The following SLC1A2 variants were observed in gnomAD, a reference collection of about 807,000 sequenced individuals.
SLC1A2 encodes the protein solute carrier family 1 member 2, also known as excitatory amino acid transporter 2.
A neutral mutation model predicts 48.8 loss-of-function variants in SLC1A2; 15 were observed. The observed-to-expected ratio is 0.31, with a 90% CI of 0.21 to 0.47. The LOEUF is 0.47. Ranked by LOEUF, SLC1A2 falls within the 20% of genes least tolerant of loss-of-function variation. SLC1A2 has a pLI of 0.99. For missense variants in SLC1A2, 502 were observed against 730.5 expected (o/e 0.69, Z 3.61); for synonymous variants, 279 against 272.6 (o/e 1.02, Z -0.23).
chr11:35,302,924 G>A (rs911659092), intron 5 of SLC1A2, among the ~76,000 whole-genome samples: 14 of 149,436 alleles, frequency 9.4e-5, no homozygotes, highest in African/African-American at 3.2e-4. Context: ...CTACTTACAT[G>A]TTCTATAAAT....
rs549005805 is a variant in SLC1A2, at chr11:35,393,855, A to G, written c.17+25095T>C. ...CTCTGGTTTTAAAGAATGGGAGAGA[A>G]TAGAGACTCCCTTTTATCACTCTGG... is the stretch of plus-strand genomic sequence containing the variant. On this transcript the variant is annotated intron_variant, in intron 1 of 10. Coordinates refer to ENST00000278379, the MANE Select transcript of SLC1A2 (RefSeq NM_004171.4). Among the ~76,000 whole-genome samples, 38 of 152,240 alleles carry G rather than the reference A, an allele frequency of 2.5e-4. 1 individual carries two copies. Among genetic ancestry groups the G allele is most frequent in the Admixed American group, 2.0e-3 (31 of 15,290 alleles).
chr11:35,322,769 T>TG (rs1342130626), intron 1 of SLC1A2: 4 of 780,062 alleles, frequency 5.1e-6, no homozygotes, highest in Non-Finnish European at 8.8e-6. Context: ...AAATACCTGT[T>TG]GCATCAGCTC....
At chr11:35,274,376 C>CCA (rs1211718908) in intron 9 of SLC1A2, among the ~76,000 whole-genome samples, 6 of 152,244 alleles carry the variant, frequency 3.9e-5, no homozygotes, top group Non-Finnish European at 7.4e-5. Flanking sequence ...GGAAAAGGGG[C>CCA]CACATTCCAT....
At chr11:35,272,535 G>A (rs951347957) in intron 9 of SLC1A2, among the ~76,000 whole-genome samples, 3 of 152,324 alleles carry the variant, frequency 2.0e-5, no homozygotes, top group African/African-American at 7.2e-5. Context: ...GGGAATGTCT[G>A]ACCAACTCTG....
At chr11:35,354,510 A>G (rs1459314416) in intron 1 of SLC1A2, among the ~76,000 whole-genome samples, 1 of 152,102 alleles carries the variant, frequency 6.6e-6, no homozygotes, top group Admixed American at 6.5e-5. Flanking sequence ...CCTGAAATCA[A>G]AGGATCTGTG....
Position 35,315,217 on chromosome 11 carries a change from T to C in SLC1A2, c.158-42A>G, listed in dbSNP as rs773804684. 5.2e-6 allele frequency: 8 copies of C among 1,536,212 alleles called. No individual in the cohort carries two copies. In the African/African-American group the frequency reaches 9.5e-5, roughly 18 times the overall value. Reference sequence around the variant, plus strand: ...AACAATATGAATTTATTTTTTGCCTTCGTCAAATGACTTACTCTAGACACT... The same window carrying C: ...AACAATATGAATTTATTTTTTGCCTCCGTCAAATGACTTACTCTAGACACT... On this transcript the variant is annotated intron_variant, in intron 2 of 10. Coordinates refer to ENST00000278379, the MANE Select transcript of SLC1A2 (RefSeq NM_004171.4).
At chr11:35,384,558 C>T (rs879342811) in intron 1 of SLC1A2, among the ~76,000 whole-genome samples, 1 of 152,200 alleles carries the variant, frequency 6.6e-6, no homozygotes, top group Admixed American at 6.5e-5. Flanking sequence ...GAATCTCAAA[C>T]AGTTGCAGCT....
intron 1 of SLC1A2, among the ~76,000 whole-genome samples, chr11:35,394,907 T>C (rs1157630037): frequency 6.6e-6 from 1 of 152,152 alleles, no homozygotes; most frequent in African/African-American, 2.4e-5. Flanking sequence ...GAAAAGCATT[T>C]CTCTCCTTGG....
chr11:35,260,925 A>G lies in SLC1A2; in HGVS notation c.1694T>C (p.Val565Ala), dbSNP rs370624992. 3.3e-5 allele frequency: 53 copies of G among 1,613,748 alleles called. No homozygotes were observed. Among genetic ancestry groups the G allele is most frequent in the Non-Finnish European group, 3.4e-5 (40 of 1,179,772 alleles). Residue 565 changes from valine to alanine, a missense_variant, in exon 11 of 11, where the codon GTT (valine) becomes GCT (alanine). Around this residue, in one of 4 missense-constraint regions of SLC1A2, gnomAD observed 102 missense variants for 107.2 expected, o/e 0.95. Transcript: ENST00000278379. ...CTCACGTTTCCAAGGTTCTTCCTCA[A>G]CACTGCAGTCGGCTGACTTTCCATT... ...AANGKSADCS[V>A]EEEPWKREK
At chr11:35,396,395 A>T (rs1309600542) in intron 1 of SLC1A2, among the ~76,000 whole-genome samples, 2 of 129,666 alleles carry the variant, frequency 1.5e-5, no homozygotes, top group Admixed American at 7.9e-5. Flanking sequence ...GGTATCTCAT[A>T]GTGGTTTTGA....
At chr11:35,317,313 C>A (rs751680809) in intron 2 of SLC1A2, 64 bp downstream of exon 2, 1 of 1,552,154 alleles carries the variant, frequency 6.4e-7, no homozygotes, top group Non-Finnish European at 8.8e-7. Flanking sequence ...AGACCAGCTG[C>A]CCCACAGAGC....
intron 1 of SLC1A2, among the ~76,000 whole-genome samples, chr11:35,329,946 A>T (rs1425570833): frequency 6.6e-6 from 1 of 152,192 alleles, no homozygotes; most frequent in Non-Finnish European, 1.5e-5. Flanking sequence ...CTCTCACAAG[A>T]TAGCTACTAT....
At chr11:35,307,724 G>A (rs1851557214) in intron 4 of SLC1A2, among the ~76,000 whole-genome samples, 1 of 152,216 alleles carries the variant, frequency 6.6e-6, no homozygotes, top group Admixed American at 6.5e-5. Flanking sequence ...TCCACAGTCT[G>A]TGCTGTATGT....
chr11:35,336,991 A>G (rs541986416), intron 1 of SLC1A2, among the ~76,000 whole-genome samples: 2 of 152,310 alleles, frequency 1.3e-5, no homozygotes, highest in East Asian at 3.9e-4. Context: ...CAAGAAAAAT[A>G]TTTATTTGCA....
At chr11:35,332,607 A>T (rs1048871915) in intron 1 of SLC1A2, among the ~76,000 whole-genome samples, 2 of 152,268 alleles carry the variant, frequency 1.3e-5, no homozygotes, top group Non-Finnish European at 2.9e-5. Flanking sequence ...AGATAAGTCC[A>T]GATGAGATCT....
intron 1 of SLC1A2, among the ~76,000 whole-genome samples, chr11:35,399,200 G>T (rs554327291): frequency 6.6e-6 from 1 of 152,140 alleles, no homozygotes; most frequent in South Asian, 2.1e-4. Flanking sequence ...TCTTCCTCTT[G>T]CCCCTACCCT....
Position 35,312,601 on chromosome 11 carries a change from G to C in SLC1A2, c.311-153C>G, listed in dbSNP as rs764873187. On this transcript the variant is annotated intron_variant, in intron 3 of 10. Coordinates refer to ENST00000278379, the MANE Select transcript of SLC1A2 (RefSeq NM_004171.4). ...AGTCTTCCCTCAATATCCATGAGAG[G>C]GTTGGTTCTGGGACTCCCAACAGAT... is the stretch of plus-strand genomic sequence containing the variant. 3.3e-5 allele frequency among the ~76,000 whole-genome samples: 5 copies of C among 152,174 alleles called. No individual in the cohort carries two copies. In the South Asian group the frequency reaches 6.2e-4, roughly 19 times the overall value.
At chr11:35,320,673 T>C (rs1852027986) in intron 1 of SLC1A2, among the ~76,000 whole-genome samples, 1 of 152,218 alleles carries the variant, frequency 6.6e-6, no homozygotes, top group African/African-American at 2.4e-5. Context: ...AAGGGCCCCT[T>C]GCTTGCCCCT....
intron 1 of SLC1A2, among the ~76,000 whole-genome samples, chr11:35,377,161 T>TG (rs1271334095): frequency 0.017 from 2,582 of 152,278 alleles, 73 homozygotes; most frequent in African/African-American, 0.06. Flanking sequence ...GAAGGAGCCA[T>TG]TAATATTATT....
Sources: allele counts gnomAD v4.1 joint callset (sites outside exome capture counted in the v4.1 genomes callset), GRCh38; gene constraint gnomAD v4.1.1; regional missense constraint gnomAD v4.1.1; transcripts MANE v1.5; gene names NCBI Gene and HGNC (gene_info 2026-07-23, HGNC 2026-07-21).